Variants in CHN2 observed in about 807,000 individuals in gnomAD.
The protein encoded by CHN2 is chimerin 2, also known as beta-chimaerin.
A neutral mutation model predicts 56.3 loss-of-function variants in CHN2; 35 were observed. The ratio of observed to expected loss-of-function variants is 0.62; its 90% confidence interval spans 0.47 to 0.82. CHN2 has a LOEUF of 0.82. CHN2 is among the 40% of genes least tolerant of loss of function. The probability of loss-of-function intolerance (pLI) is 0.00; values close to 1 mark genes in which losing one functional copy is unlikely to be tolerated. For missense variants in CHN2, 491 were observed against 580.5 expected (o/e 0.85, Z 1.58); for synonymous variants, 210 against 212.8 (o/e 0.99, Z 0.12).
chr7:29,351,626 C>T lies in CHN2; in HGVS notation c.50-2999C>T, dbSNP rs755419621. On this transcript the variant is annotated intron_variant, in intron 1 of 12. Coordinates refer to ENST00000222792, the MANE Select transcript of CHN2 (RefSeq NM_004067.4). ...GCGATGGAGCCAGTGAGCCATGCAG[C>T]GATCTATTGGAGGGCATTTTACCTG... 2.0e-5 allele frequency among the ~76,000 whole-genome samples: 3 copies of T among 152,096 alleles called. No individual in the cohort carries two copies. In the South Asian group the frequency reaches 6.2e-4, roughly 32 times the overall value.
intron 1 of CHN2, among the ~76,000 whole-genome samples, chr7:29,342,330 A>G (rs1347053549): frequency 6.6e-6 from 1 of 152,240 alleles, no homozygotes; most frequent in African/African-American, 2.4e-5. Context: ...TGGAATAACC[A>G]GGCACTTAAA....
Position 29,354,649 on chromosome 7 carries a change from T to A in CHN2, c.74T>A (p.Ile25Lys). The A allele has an allele frequency of 6.2e-7, 1 of 1,612,032 alleles. No homozygotes were observed. The highest frequency in any genetic ancestry group is 8.5e-7 in the Non-Finnish European group (1 of 1,179,294). Residue 25 changes from isoleucine to lysine, a missense_variant, in exon 2 of 13, where the codon ATA becomes AAA. By Grantham distance (102) the Ile-to-Lys change is moderately radical (BLOSUM62 -3). Transcript: ENST00000222792. The stretch of plus-strand genomic sequence containing the variant: ...GATGCTGAAGAATACCAGCCTCCTA[T>A]ATGGAAATCATACTGTGAGTACCTG... The part of the protein sequence containing the change: ...SSDAEEYQPP[I>K]WKSYLYQLQQ...
At chr7:29,306,530 G>A (rs1006341560) in intron 1 of CHN2, among the ~76,000 whole-genome samples, 10 of 152,148 alleles carry the variant, frequency 6.6e-5, no homozygotes, top group African/African-American at 2.4e-4. Context: ...TAAACTGAGA[G>A]GAGGGGCTGT....
chr7:29,285,597 G>A (rs539357694), intron 1 of CHN2, among the ~76,000 whole-genome samples: 22 of 152,182 alleles, frequency 1.4e-4, no homozygotes, highest in Non-Finnish European at 2.2e-4. Flanking sequence ...CATACCACAC[G>A]CAGAGTCAAT....
At chr7:29,390,374 T>A (rs2128070844) in intron 3 of CHN2, among the ~76,000 whole-genome samples, 1 of 152,332 alleles carries the variant, frequency 6.6e-6, no homozygotes, top group African/African-American at 2.4e-5. Flanking sequence ...CCGTCAGTCC[T>A]ACTCACAAAG....
At chr7:29,357,801 G>C (rs1798419805) in intron 2 of CHN2, among the ~76,000 whole-genome samples, 1 of 152,270 alleles carries the variant, frequency 6.6e-6, no homozygotes, top group East Asian at 1.9e-4. Context: ...ACCATTTCTT[G>C]ATATGAAAGT....
chr7:29,434,604 A>G (rs1356677621), intron 6 of CHN2, among the ~76,000 whole-genome samples: 1 of 152,030 alleles, frequency 6.6e-6, no homozygotes, highest in African/African-American at 2.4e-5. Flanking sequence ...CTTATAAGGA[A>G]TCCTGTCATT....
intron 8 of CHN2, among the ~76,000 whole-genome samples, chr7:29,498,760 T>G (rs1260166292): frequency 5.2e-5 from 1 of 19,208 alleles, no homozygotes; most frequent in Non-Finnish European, 1.4e-4. Flanking sequence ...TATGCTGCCT[T>G]TTTTTTTTTT....
At chr7:29,264,051 C>T (rs906096709) in intron 1 of CHN2, among the ~76,000 whole-genome samples, 5 of 150,586 alleles carry the variant, frequency 3.3e-5, no homozygotes, top group African/African-American at 1.2e-4. Flanking sequence ...GGGGCAGCCC[C>T]CATCCGGCCG....
In CHN2 at chr7:29,297,421, C is replaced by T. The variant is rs184744660; in HGVS notation, c.50-57204C>T. 2.4e-3 allele frequency among the ~76,000 whole-genome samples: 359 copies of T among 152,256 alleles called. 5 individuals carry two copies. Among genetic ancestry groups the T allele is most frequent in the African/African-American group, 8.1e-3 (338 of 41,540 alleles). On this transcript the variant is annotated intron_variant, in intron 1 of 12. Coordinates refer to ENST00000222792, the MANE Select transcript of CHN2 (RefSeq NM_004067.4). ...GACAGGGGGCGCTGTTTTGGGGAAA[C>T]GGCAGTCAGAGCTCCCTCAAAGACC...
intron 1 of CHN2, among the ~76,000 whole-genome samples, chr7:29,321,720 A>G (rs1179557582): frequency 4.0e-5 from 6 of 151,838 alleles, no homozygotes; most frequent in Non-Finnish European, 1.5e-5. Context: ...ACAGGCATGC[A>G]CCACCATGCC....
chr7:29,269,989 A>G (rs769036051), intron 1 of CHN2, among the ~76,000 whole-genome samples: 3 of 152,198 alleles, frequency 2.0e-5, no homozygotes, highest in Non-Finnish European at 2.9e-5. Flanking sequence ...TGCTTTATCC[A>G]CTGTGAAACC....
In CHN2 at chr7:29,450,822, T is replaced by C. The variant is rs567442856; in HGVS notation, c.577-29457T>C. Among the ~76,000 whole-genome samples the C allele has an allele frequency of 3.3e-3, 496 of 152,012 alleles. 5 individuals carry two copies. Among genetic ancestry groups the C allele is most frequent in the Middle Eastern group, 0.014 (4 of 294 alleles). ...GAGTCTTGCCCTGTTGGCAGGCTGGTGTGCGGTGGTGTAATCTTGGCTCAC... is the reference window on the plus strand; with the variant it reads ...GAGTCTTGCCCTGTTGGCAGGCTGGCGTGCGGTGGTGTAATCTTGGCTCAC... On this transcript the variant is annotated intron_variant, in intron 6 of 12. Coordinates refer to ENST00000222792, the MANE Select transcript of CHN2 (RefSeq NM_004067.4).
In CHN2 at chr7:29,512,777, G is replaced by C. The variant is rs546137928; in HGVS notation, c.*42G>C. On this transcript the variant is annotated 3_prime_UTR_variant, in exon 13 of 13. Transcript: ENST00000222792. ...GCTGAATGGCCCCAGCACCATCCAAGTTGACACAGCTAAAGGAATAAAAAC... is the reference window on the plus strand; with the variant it reads ...GCTGAATGGCCCCAGCACCATCCAACTTGACACAGCTAAAGGAATAAAAAC... 2 of 1,577,182 alleles carry C rather than the reference G, an allele frequency of 1.3e-6. No homozygotes were observed. Among genetic ancestry groups the C allele is most frequent in the South Asian group, 2.3e-5 (2 of 86,674 alleles).
intron 2 of CHN2, among the ~76,000 whole-genome samples, chr7:29,363,747 A>G (rs1420961470): frequency 6.6e-6 from 1 of 152,196 alleles, no homozygotes; most frequent in Non-Finnish European, 1.5e-5. Flanking sequence ...AAGTCAGGGA[A>G]GGCCTCCCTG....
chr7:29,368,959 T>C (rs1340344653), intron 3 of CHN2, among the ~76,000 whole-genome samples: 3 of 152,294 alleles, frequency 2.0e-5, no homozygotes, highest in East Asian at 3.9e-4. Flanking sequence ...TAAGGAAAAA[T>C]CCAGGATGAG....
At chr7:29,298,713 GA>G (rs1793395286) in intron 1 of CHN2, among the ~76,000 whole-genome samples, 1 of 152,274 alleles carries the variant, frequency 6.6e-6, no homozygotes, top group Non-Finnish European at 1.5e-5. Flanking sequence ...TGTTCCTTCT[GA>G]GCTGCAGCTG....
intron 1 of CHN2, among the ~76,000 whole-genome samples, chr7:29,325,406 C>T (rs2128897969): frequency 6.6e-6 from 1 of 152,310 alleles, no homozygotes; most frequent in Admixed American, 6.5e-5. Context: ...AAAGGCACTC[C>T]TCCTTAGTAG....
At chr7:29,457,897 C>A (rs849933) in intron 6 of CHN2, among the ~76,000 whole-genome samples, 52,087 of 151,990 alleles carry the variant, frequency 0.34, 10,335 homozygotes, top group African/African-American at 0.56. Context: ...AGTGATTTTA[C>A]TGCCATGCTT....
Sources: gnomAD v4.1 joint callset for allele counts (sites outside exome capture counted in the v4.1 genomes callset) on GRCh38, gnomAD v4.1.1 for gene constraint, MANE v1.5 for transcripts, NCBI Gene and HGNC (gene_info 2026-07-23, HGNC 2026-07-21) for gene names.